Variants in CKAP5 observed in about 807,000 individuals in gnomAD.
CKAP5 encodes cytoskeleton-associated protein 5.
Under a neutral mutation model 232.8 loss-of-function variants are expected in CKAP5, and 27 were observed. The observed-to-expected ratio is 0.12, with a 90% CI of 0.09 to 0.16. CKAP5 has a LOEUF of 0.16. CKAP5 is among the 10% of genes least tolerant of loss of function. The pLI, the probability that CKAP5 is intolerant of heterozygous loss-of-function variation, is 1.00. For missense variants in CKAP5, 1,838 were observed against 2,424.7 expected, an observed-to-expected ratio of 0.76 and a Z score of 5.08; for synonymous variants, 785 against 841.1, an observed-to-expected ratio of 0.93 and a Z score of 1.16.
At chr11:46,840,275 C>T (rs1240462951) in intron 1 of CKAP5, among the ~76,000 whole-genome samples, 1 of 152,116 alleles carries the variant, frequency 6.6e-6, no homozygotes, top group African/African-American at 2.4e-5. Flanking sequence ...CTATAATTTG[C>T]TACAGTAAAT....
At chr11:46,837,261 G>A (rs1939938126) in intron 1 of CKAP5, among the ~76,000 whole-genome samples, 1 of 152,130 alleles carries the variant, frequency 6.6e-6, no homozygotes, top group Non-Finnish European at 1.5e-5. Flanking sequence ...AGCAAGGGGA[G>A]GAGGCTAGAA....
intron 1 of CKAP5, among the ~76,000 whole-genome samples, chr11:46,822,608 G>A (rs1483090001): frequency 6.6e-6 from 1 of 151,624 alleles, no homozygotes; most frequent in East Asian, 2.0e-4. Context: ...AAAATTAGCC[G>A]GGCTTGGTGG....
At chr11:46,838,363 T>C (rs994208060) in intron 1 of CKAP5, among the ~76,000 whole-genome samples, 2 of 152,028 alleles carry the variant, frequency 1.3e-5, no homozygotes, top group Non-Finnish European at 1.5e-5. Context: ...ACAAGCCTGG[T>C]GCAGTGGCTC....
chr11:46,753,596 T>G, intron 36 of CKAP5, 99 bp from the exon 37 acceptor site: 1 of 951,986 alleles, frequency 1.1e-6, no homozygotes, highest in Admixed American at 2.8e-5. Context: ...TATGTTGTAT[T>G]TTTTTTTTGA....
At position 46,815,649 on chromosome 11, in the gene CKAP5, A is replaced by C. The variant is rs138550846; in HGVS notation, c.458+549T>G. On this transcript the variant is annotated intron_variant, in intron 4 of 43. Transcript: ENST00000529230. ...AGGTCAGAAATCTCTATTCATCTTC[A>C]TTAGAAAGGGATTCAGATAAAATAA... Among the ~76,000 whole-genome samples the C allele has an allele frequency of 2.7e-3, 418 of 152,342 alleles. 2 individuals carry two copies. Among genetic ancestry groups the C allele is most frequent in the African/African-American group, 9.5e-3 (396 of 41,582 alleles).
In CKAP5 at chr11:46,846,250, C is replaced by G. The variant is rs1184919855; in HGVS notation, c.-68G>C. 6.6e-6 allele frequency: 1 copy of G among 152,478 alleles called. No homozygotes were observed. Among genetic ancestry groups the G allele is most frequent in the Non-Finnish European group, 1.5e-5 (1 of 68,238 alleles). The allele number at this position is 152,478 out of a possible 1,614,324, so 9.4% of individuals were successfully genotyped here. A position where few individuals can be genotyped will look rare whatever the true frequency, so the allele number is the denominator to read the frequency against. ...CTGGGTCAGAACCAAGCGGCCTGCT[C>G]TAAGCCGTTTGAAACCGCTTGGGCC... On this transcript the variant is annotated 5_prime_UTR_variant, in exon 1 of 44. Coordinates refer to ENST00000529230, the MANE Select transcript of CKAP5 (RefSeq NM_001008938.4).
At chr11:46,829,622 T>C (rs1939730858) in intron 1 of CKAP5, among the ~76,000 whole-genome samples, 1 of 152,198 alleles carries the variant, frequency 6.6e-6, no homozygotes. Flanking sequence ...ACAAAATATG[T>C]GTTAAACAAT....
At chr11:46,753,254 A>AGT in intron 37 of CKAP5, 56 bp downstream of exon 37, 2 of 1,395,502 alleles carry the variant, frequency 1.4e-6, no homozygotes, top group Non-Finnish European at 2.0e-6. Flanking sequence ...ATGGTTTCTA[A>AGT]GTGTAAACAA....
chr11:46,769,962 CCTGATGCAGG>C lies in CKAP5; in HGVS notation c.3313_3322del (p.Pro1105HisfsTer43), dbSNP rs1374419789. The C allele has an allele frequency of 6.2e-7, 1 of 1,614,054 alleles. No homozygotes were observed. Among genetic ancestry groups the C allele is most frequent in the Admixed American group, 1.7e-5 (1 of 60,016 alleles). On this transcript the variant is annotated frameshift_variant and splice_region_variant, in exon 26 of 44. Transcript: ENST00000529230. LOFTEE classifies it high-confidence loss of function. ...CTTTAACCTTCTTAAGATAGAGTTA[CCTGATGCAGG>C]CTGGAATTTGGCTGGAGCGGACCCT...
intron 35 of CKAP5, 125 bp from the exon 36 acceptor site, chr11:46,755,192 A>G: frequency 1.5e-6 from 1 of 656,442 alleles, no homozygotes; most frequent in Non-Finnish European, 2.4e-6. Flanking sequence ...TTACCTTAAA[A>G]AAAAGCCCAT....
At chr11:46,835,989 T>A (rs1214369617) in intron 1 of CKAP5, among the ~76,000 whole-genome samples, 1 of 152,148 alleles carries the variant, frequency 6.6e-6, no homozygotes, top group Non-Finnish European at 1.5e-5. Flanking sequence ...TCTTGACTAA[T>A]CATGAGAAAA....
At chr11:46,807,190 C>T (rs1031820278) in intron 8 of CKAP5, among the ~76,000 whole-genome samples, 1 of 152,174 alleles carries the variant, frequency 6.6e-6, no homozygotes, top group Non-Finnish European at 1.5e-5. Context: ...AAGTTATGTA[C>T]TGATTGATGG....
intron 8 of CKAP5, among the ~76,000 whole-genome samples, chr11:46,805,278 A>G (rs1381185938): frequency 1.3e-5 from 2 of 152,110 alleles, no homozygotes. Context: ...AAAAAGAACT[A>G]TAATCTGTGA....
chr11:46,762,865 T>C, intron 30 of CKAP5, 103 bp from the exon 31 acceptor site: 2 of 1,445,474 alleles, frequency 1.4e-6, no homozygotes, highest in African/African-American at 2.8e-5. Context: ...TAGGGATAAG[T>C]AGGGAAGGTA....
intron 18 of CKAP5, among the ~76,000 whole-genome samples, chr11:46,783,033 G>C (rs6485692): frequency 0.64 from 97,999 of 152,066 alleles, 33,252 homozygotes; most frequent in Non-Finnish European, 0.77. Context: ...TGGATTTTCT[G>C]TGGGACAGCT....
intron 20 of CKAP5, 134 bp from the exon 21 acceptor site, chr11:46,778,733 C>G (rs1390470344): frequency 1.5e-6 from 1 of 685,904 alleles, no homozygotes; most frequent in Non-Finnish European, 2.5e-6. Flanking sequence ...TTGACTACTA[C>G]CTAGATTACA....
rs931678003 is a variant in CKAP5 at position 46,788,743 on chromosome 11, G to A, written c.1906C>T (p.Pro636Ser). The A allele has an allele frequency of 6.2e-7, 1 of 1,608,430 alleles. No individual in the cohort carries two copies. Among genetic ancestry groups the A allele is most frequent in the Non-Finnish European group, 8.5e-7 (1 of 1,178,038 alleles). Residue 636 changes from proline to serine, a missense_variant, in exon 16 of 44, where the codon CCA becomes TCA. This residue lies in a region of CKAP5 where 767 missense variants were observed against 954.6 expected (regional missense o/e 0.80). Transcript: ENST00000529230. ...AGCATCCTCACTAATGCCTGGCATG[G>A]CATTTCAGTTCGGTCCATTAGCTCA... ...AVELMDRTEM[P>S]CQALVRMLAK...
At chr11:46,795,494 A>C in intron 13 of CKAP5, 100 bp downstream of exon 13, 1 of 925,162 alleles carries the variant, frequency 1.1e-6, no homozygotes, top group Non-Finnish European at 1.6e-6. Context: ...AATGTGGCCA[A>C]TGAATTCATT....
At position 46,743,641 on chromosome 11, in the gene CKAP5, G is replaced by C. The variant is rs983289372; in HGVS notation, c.*382C>G. 1 of 215,358 alleles carries C rather than the reference G, an allele frequency of 4.6e-6. No individual in the cohort carries two copies. Among genetic ancestry groups the C allele is most frequent in the Non-Finnish European group, 9.4e-6 (1 of 105,870 alleles). 13.3% of individuals were successfully genotyped at this position (215,358 alleles called of 1,614,324 possible). A position where few individuals can be genotyped will look rare whatever the true frequency, so the allele number is the denominator to read the frequency against. ...TGACCCTTCAGGGCGACAGAGAAGA[G>C]CTCACAAACTGAAAGGAAAACTATT... On this transcript the variant is annotated 3_prime_UTR_variant, in exon 44 of 44. Coordinates refer to ENST00000529230, the MANE Select transcript of CKAP5 (RefSeq NM_001008938.4).
Sources: allele counts gnomAD v4.1 joint callset (sites outside exome capture counted in the v4.1 genomes callset), GRCh38; gene constraint gnomAD v4.1.1; regional missense constraint gnomAD v4.1.1; transcripts MANE v1.5; gene names NCBI Gene and HGNC (gene_info 2026-07-23, HGNC 2026-07-21).